Variants in CRYBG1 observed in about 807,000 individuals in gnomAD.
CRYBG1 encodes crystallin beta-gamma domain containing 1, also known as beta/gamma crystallin domain-containing protein 1.
CRYBG1 carries 139 observed loss-of-function variants against 189.2 expected under a neutral mutation model. The ratio of observed to expected loss-of-function variants is 0.73; its 90% CI spans 0.64 to 0.85. The LOEUF (loss-of-function observed/expected upper bound fraction) is 0.85. Ranked by LOEUF, CRYBG1 falls within the 40% of genes least tolerant of loss-of-function variation. The pLI is 0.00. For missense variants in CRYBG1, 2,611 were observed against 2,675.8 expected, an observed-to-expected ratio of 0.98 and a Z score of 0.53; for synonymous variants, 1,023 against 1,017.1, an observed-to-expected ratio of 1.01 and a Z score of -0.11.
intron 1 of CRYBG1, among the ~76,000 whole-genome samples, chr6:106,395,810 T>G (rs1457288629): frequency 6.6e-6 from 1 of 152,154 alleles, no homozygotes; most frequent in Non-Finnish European, 1.5e-5. Context: ...CATATATATA[T>G]ATAGATTTGG....
At chr6:106,486,901 A>G (rs1220098307) in intron 2 of CRYBG1, among the ~76,000 whole-genome samples, 1 of 152,136 alleles carries the variant, frequency 6.6e-6, no homozygotes, top group Non-Finnish European at 1.5e-5. Flanking sequence ...TAATCCATTT[A>G]CATTCAAGGT....
intron 4 of CRYBG1, 129 bp from the exon 5 acceptor site, chr6:106,525,004 T>C: frequency 2.3e-6 from 2 of 876,776 alleles, no homozygotes; most frequent in Non-Finnish European, 3.6e-6. Flanking sequence ...TAGCATCCAT[T>C]AGAGTGGAGG....
chr6:106,520,371 TCCAGTC>T lies in CRYBG1; in HGVS notation c.3167_3172del (p.Ser1056_Pro1057del). 2 of 1,614,068 alleles carry T rather than the reference TCCAGTC, an allele frequency of 1.2e-6. No individual in the cohort carries two copies. Among genetic ancestry groups the T allele is most frequent in the Non-Finnish European group, 1.7e-6 (2 of 1,180,020 alleles). On this transcript the variant is annotated inframe_deletion, in exon 4 of 22. Transcript: ENST00000633556. ...CAGCAGAACACCCCTGATGGCTGAA[TCCAGTC>T]CCACCAACTCTCCCAGCAGCGGAAA...
intron 7 of CRYBG1, 59 bp from the exon 8 acceptor site, chr6:106,530,117 T>C: frequency 7.0e-7 from 1 of 1,431,006 alleles, no homozygotes; most frequent in Non-Finnish European, 9.5e-7. Context: ...AGAATGAGCT[T>C]ACTAGAGAGT....
rs75461179 is a variant in CRYBG1, at chr6:106,530,632, A to G, written c.4718+317A>G. On this transcript the variant is annotated intron_variant, in intron 8 of 21. Coordinates refer to ENST00000633556, the MANE Select transcript of CRYBG1 (RefSeq NM_001371242.2). ...AGATTATATTTTCATGGTGATTCAGAGGAGGTAATTCAAAGCACATGCCCC... is the reference window on the plus strand; with the variant it reads ...AGATTATATTTTCATGGTGATTCAGGGGAGGTAATTCAAAGCACATGCCCC... Among the ~76,000 whole-genome samples, 1,138 of 151,978 alleles carry G rather than the reference A, an allele frequency of 7.5e-3. 11 individuals are homozygous for G. The highest frequency in any genetic ancestry group is 0.025 in the African/African-American group (1,051 of 41,428).
intron 1 of CRYBG1, among the ~76,000 whole-genome samples, chr6:106,364,342 A>AG (rs1771940314): frequency 6.6e-6 from 1 of 152,188 alleles, no homozygotes; most frequent in African/African-American, 2.4e-5. Context: ...AATAAAAAAA[A>AG]AAAGAAAGAA....
At chr6:106,433,194 A>G (rs1243192904) in intron 1 of CRYBG1, among the ~76,000 whole-genome samples, 10 of 152,178 alleles carry the variant, frequency 6.6e-5, no homozygotes, top group Admixed American at 2.6e-4. Context: ...AAAAAATAAA[A>G]CAACTCTTAT....
intron 4 of CRYBG1, among the ~76,000 whole-genome samples, chr6:106,523,142 G>A (rs1467911556): frequency 7.0e-6 from 1 of 142,242 alleles, no homozygotes; most frequent in Non-Finnish European, 1.6e-5. Context: ...AAAGGCAGGT[G>A]ACCTCTTCTT....
chr6:106,361,224 C>A, intron 1 of CRYBG1, 143 bp downstream of exon 1: 5 of 1,053,896 alleles, frequency 4.7e-6, no homozygotes, highest in Non-Finnish European at 6.5e-6. Context: ...TACCCGGGTC[C>A]GGAGGGGAGC....
intron 4 of CRYBG1, among the ~76,000 whole-genome samples, chr6:106,521,925 G>A (rs1027347598): frequency 1.3e-5 from 2 of 151,892 alleles, no homozygotes; most frequent in Admixed American, 1.3e-4. Context: ...ACAAATACGG[G>A]GGTTTTACCA....
At chr6:106,454,297 C>T (rs926710126) in intron 2 of CRYBG1, among the ~76,000 whole-genome samples, 1 of 152,182 alleles carries the variant, frequency 6.6e-6, no homozygotes, top group Non-Finnish European at 1.5e-5. Context: ...AACTCTGTCT[C>T]TTGAGATCAT....
intron 1 of CRYBG1, among the ~76,000 whole-genome samples, chr6:106,394,859 A>T (rs1310906634): frequency 7.0e-6 from 1 of 142,132 alleles, no homozygotes; most frequent in East Asian, 2.0e-4. Context: ...ACACAGCAGA[A>T]TTTTTTTTTT....
intron 1 of CRYBG1, among the ~76,000 whole-genome samples, chr6:106,362,693 A>G (rs1429888576): frequency 6.6e-6 from 1 of 152,188 alleles, no homozygotes; most frequent in Non-Finnish European, 1.5e-5. Flanking sequence ...TATCATCCAC[A>G]TTGGTAATCA....
chr6:106,485,122 T>C (rs1408643059), intron 2 of CRYBG1, among the ~76,000 whole-genome samples: 1 of 152,252 alleles, frequency 6.6e-6, no homozygotes, highest in Admixed American at 6.5e-5. Context: ...TTCCAATCCA[T>C]GGACAGAAGA....
intron 1 of CRYBG1, among the ~76,000 whole-genome samples, chr6:106,384,038 A>C (rs977866496): frequency 6.6e-6 from 1 of 152,232 alleles, no homozygotes. Context: ...CCATGCAGGT[A>C]CCAGGTGACA....
intron 2 of CRYBG1, among the ~76,000 whole-genome samples, chr6:106,500,996 G>A (rs887439237): frequency 2.0e-5 from 3 of 152,092 alleles, no homozygotes; most frequent in Admixed American, 6.5e-5. Context: ...TTGTTGATAG[G>A]CTGGAGGATA....
At chr6:106,365,359 G>A (rs1450179615) in intron 1 of CRYBG1, among the ~76,000 whole-genome samples, 2 of 151,858 alleles carry the variant, frequency 1.3e-5, no homozygotes, top group Admixed American at 6.6e-5. Context: ...CCTGGGAGGT[G>A]GAGGTTGCAG....
intron 10 of CRYBG1, among the ~76,000 whole-genome samples, chr6:106,542,153 A>C (rs949786353): frequency 6.7e-6 from 1 of 148,300 alleles, no homozygotes; most frequent in Non-Finnish European, 1.5e-5. Context: ...TATTTATTTT[A>C]TATATATATG....
At chr6:106,536,980 T>C (rs1011807956) in intron 8 of CRYBG1, among the ~76,000 whole-genome samples, 1 of 152,226 alleles carries the variant, frequency 6.6e-6, no homozygotes, top group Admixed American at 6.5e-5. Flanking sequence ...CATTAATAAA[T>C]GTCTGTTTGA....
Sources: gnomAD v4.1 joint callset for allele counts (sites outside exome capture counted in the v4.1 genomes callset) on GRCh38, gnomAD v4.1.1 for gene constraint, MANE v1.5 for transcripts, NCBI Gene and HGNC (gene_info 2026-07-23, HGNC 2026-07-21) for gene names.